Variants in R3HDM1 observed in about 807,000 individuals in gnomAD.
R3HDM1 encodes the protein R3H domain containing 1.
A neutral mutation model predicts 141.1 loss-of-function variants in R3HDM1; 46 were observed. That is an observed-to-expected ratio of 0.33 (90% CI 0.26 to 0.42). R3HDM1 has a LOEUF of 0.42. Ranked by LOEUF, R3HDM1 falls within the 10% of genes least tolerant of loss-of-function variation. The pLI, the probability that R3HDM1 is intolerant of heterozygous loss-of-function variation, is 1.00. For synonymous variants in R3HDM1, 435 were observed against 472.9 expected (o/e 0.92, Z 1.04); for missense variants, 1,184 against 1,368.3 (o/e 0.87, Z 2.12).
intron 19 of R3HDM1, among the ~76,000 whole-genome samples, chr2:135,663,156 T>A (rs76855907): frequency 0.24 from 29,935 of 125,038 alleles, 3,696 homozygotes; most frequent in East Asian, 0.51. Flanking sequence ...AAAAAAAAAA[T>A]ATGACACTTA....
intron 1 of R3HDM1, among the ~76,000 whole-genome samples, chr2:135,592,994 A>AC (rs1709670219): frequency 6.6e-6 from 1 of 151,728 alleles, no homozygotes; most frequent in Non-Finnish European, 1.5e-5. Flanking sequence ...ATCTCGGCTC[A>AC]CTGCAACCTG....
chr2:135,715,324 A>C (rs2076059860), intron 23 of R3HDM1, among the ~76,000 whole-genome samples: 1 of 152,036 alleles, frequency 6.6e-6, no homozygotes, highest in Non-Finnish European at 1.5e-5. Context: ...GTGAGCTGTG[A>C]TTGCGCCACT....
chr2:135,623,942 CCTG>C (rs2061746451), intron 7 of R3HDM1, among the ~76,000 whole-genome samples: 1 of 152,132 alleles, frequency 6.6e-6, no homozygotes, highest in Admixed American at 6.5e-5. Context: ...TAGTGCCTAA[CCTG>C]AATCTTGAAT....
chr2:135,715,420 G>A, intron 23 of R3HDM1, 130 bp from the exon 24 acceptor site: 2 of 985,732 alleles, frequency 2.0e-6, no homozygotes, highest in South Asian at 2.2e-5. Context: ...TTTATTTTGG[G>A]GAGTTGCAGA....
At chr2:135,565,057 A>G (rs1301183890) in intron 1 of R3HDM1, among the ~76,000 whole-genome samples, 2 of 152,110 alleles carry the variant, frequency 1.3e-5, no homozygotes, top group Admixed American at 1.3e-4. Context: ...TCCATTTAAC[A>G]CAGCCAGTTC....
intron 1 of R3HDM1, among the ~76,000 whole-genome samples, chr2:135,591,578 T>C (rs1163747249): frequency 1.3e-5 from 2 of 152,218 alleles, no homozygotes; most frequent in Non-Finnish European, 2.9e-5. Context: ...ATTATCATGC[T>C]ATGAACAAAG....
Position 135,577,189 on chromosome 2 carries a change from C to T in R3HDM1, c.-249-25311C>T, listed in dbSNP as rs182181479. 7.2e-5 allele frequency: 71 copies of T among 983,336 alleles called. No individual in the cohort carries two copies. The African/African-American group carries it at 1.2e-3, about 17-fold the overall frequency. 60.9% of individuals were successfully genotyped at this position (983,336 alleles called of 1,614,324 possible). A position where few individuals can be genotyped will look rare whatever the true frequency, so the allele number is the denominator to read the frequency against. On this transcript the variant is annotated intron_variant, in intron 1 of 26. Transcript: ENST00000683871. ...GCTATGACTCAAAATGCAGAGACAA[C>T]CAAAGATTGACAAATACGTCTATAT... is the stretch of plus-strand genomic sequence containing the variant.
chr2:135,618,271 CTGCCT>C (rs2061228175), intron 5 of R3HDM1, among the ~76,000 whole-genome samples: 1 of 150,794 alleles, frequency 6.6e-6, no homozygotes, highest in African/African-American at 2.4e-5. Context: ...TCAAGCCATT[CTGCCT>C]CAGCCTGCCG....
rs1187842788 is a variant in R3HDM1, at chr2:135,709,514, G to A, written c.2541G>A (p.Gln847=). 1.9e-6 allele frequency: 3 copies of A among 1,614,010 alleles called. No individual in the cohort carries two copies. Among genetic ancestry groups the A allele is most frequent in the Non-Finnish European group, 2.5e-6 (3 of 1,180,012 alleles). ...PRTTSPCSSQ[Q]LQGHQCTAGP... ...CCACTTCACCATGCAGTTCCCAGCAGCTTCAAGGCCACCAATGTACAGGTA... is the reference window on the plus strand; with the variant it reads ...CCACTTCACCATGCAGTTCCCAGCAACTTCAAGGCCACCAATGTACAGGTA... Residue 847 remains glutamine (Q), a synonymous_variant, in exon 22 of 27, where the codon CAG becomes CAA. Coordinates refer to ENST00000683871, the MANE Select transcript of R3HDM1 (RefSeq NM_001378107.1).
At chr2:135,550,061 T>C (rs1334529667) in intron 1 of R3HDM1, 2 of 984,294 alleles carry the variant, frequency 2.0e-6, no homozygotes, top group African/African-American at 3.5e-5. Context: ...TTAAAATCTT[T>C]TCATGATCTG....
chr2:135,627,044 C>T (rs1384644529), intron 7 of R3HDM1, among the ~76,000 whole-genome samples: 1 of 151,974 alleles, frequency 6.6e-6, no homozygotes, highest in Non-Finnish European at 1.5e-5. Flanking sequence ...GTGAATAATT[C>T]GTGTAATGGC....
chr2:135,711,625 G>A (rs768676786), intron 23 of R3HDM1, among the ~76,000 whole-genome samples: 14 of 144,236 alleles, frequency 9.7e-5, no homozygotes, highest in African/African-American at 3.4e-4. Flanking sequence ...ATGCCACTGC[G>A]CTGCCCCCTA....
intron 1 of R3HDM1, among the ~76,000 whole-genome samples, chr2:135,594,354 G>GA (rs977514264): frequency 3.9e-5 from 6 of 152,106 alleles, no homozygotes; most frequent in Non-Finnish European, 7.4e-5. Context: ...AAATGGCTGT[G>GA]AAAAAAACAT....
chr2:135,630,295 A>C (rs1003964507), intron 7 of R3HDM1, among the ~76,000 whole-genome samples: 12 of 146,730 alleles, frequency 8.2e-5, no homozygotes, highest in Admixed American at 4.0e-4. Flanking sequence ...AAAAAAAAAA[A>C]AAAAAAAAAA....
chr2:135,571,900 A>G (rs1704196082), intron 1 of R3HDM1, among the ~76,000 whole-genome samples: 1 of 152,322 alleles, frequency 6.6e-6, no homozygotes, highest in South Asian at 2.1e-4. Context: ...TGCTAGAATT[A>G]TAGGTGTGAG....
chr2:135,596,976 GT>G, intron 1 of R3HDM1: 1 of 962,350 alleles, frequency 1.0e-6, no homozygotes, highest in South Asian at 4.8e-5. Context: ...AGCACAAATT[GT>G]TTTCTAAAGT....
intron 1 of R3HDM1, 191 bp downstream of exon 1, chr2:135,531,824 C>T: frequency 1.0e-6 from 1 of 985,404 alleles, no homozygotes; most frequent in Non-Finnish European, 1.2e-6. Flanking sequence ...CCCGCTGCTG[C>T]CAGCCCGCCG....
chr2:135,688,975 C>T (rs1385066865), intron 21 of R3HDM1, among the ~76,000 whole-genome samples: 1 of 152,178 alleles, frequency 6.6e-6, no homozygotes, highest in African/African-American at 2.4e-5. Context: ...TCTAGAATCT[C>T]ATTTGTCTTC....
In R3HDM1 at chr2:135,680,220, A is replaced by G; in HGVS notation, c.2355A>G (p.Gln785=). ...GSQGIPHQTY[Q]QPVMFPNQSN... ...AAGGAATTCCCCATCAGACTTATCA[A>G]CAGCCTGTTATGTTCCCTAATCAGT... Residue 785 remains glutamine (Q), a synonymous_variant, in exon 21 of 27, where the codon CAA becomes CAG. Coordinates refer to ENST00000683871, the MANE Select transcript of R3HDM1 (RefSeq NM_001378107.1). The G allele has an allele frequency of 3.1e-6, 5 of 1,613,766 alleles. No homozygotes were observed. Among genetic ancestry groups the G allele is most frequent in the South Asian group, 1.1e-5 (1 of 91,078 alleles).
Sources: allele counts gnomAD v4.1 joint callset (sites outside exome capture counted in the v4.1 genomes callset), GRCh38; gene constraint gnomAD v4.1.1; transcripts MANE v1.5; gene names NCBI Gene and HGNC (gene_info 2026-07-23, HGNC 2026-07-21).